Variants in RBFOX2 observed in about 807,000 individuals in gnomAD.
RBFOX2 encodes RNA binding fox-1 homolog 2.
A neutral mutation model predicts 49.1 loss-of-function variants in RBFOX2; 10 were observed. That is an observed-to-expected ratio of 0.20 (90% confidence interval 0.13 to 0.35). The LOEUF is 0.35. Ranked by LOEUF, RBFOX2 falls within the 10% of genes least tolerant of loss-of-function variation. The pLI, the probability that RBFOX2 is intolerant of heterozygous loss-of-function variation, is 1.00. For synonymous variants in RBFOX2, 183 were observed against 187.4 expected, an observed-to-expected ratio of 0.98 and a Z score of 0.19; for missense variants, 323 against 486.9, an observed-to-expected ratio of 0.66 and a Z score of 3.17.
intron 1 of RBFOX2, among the ~76,000 whole-genome samples, chr22:35,954,166 C>A (rs1034463116): frequency 3.1e-4 from 47 of 151,808 alleles, no homozygotes; most frequent in African/African-American, 1.1e-3. Context: ...TGATATATGT[C>A]TTTGTGGGGG....
intron 1 of RBFOX2, among the ~76,000 whole-genome samples, chr22:35,953,899 AT>A (rs565059531): frequency 2.0e-5 from 3 of 152,180 alleles, no homozygotes; most frequent in East Asian, 1.9e-4. Flanking sequence ...GCATATACAC[AT>A]TTTTTCCCAA....
intron 1 of RBFOX2, among the ~76,000 whole-genome samples, chr22:35,887,877 C>T (rs2046784265): frequency 6.6e-6 from 1 of 152,166 alleles, no homozygotes; most frequent in African/African-American, 2.4e-5. Flanking sequence ...TCTATTATCA[C>T]ACCATCAAGC....
chr22:35,861,911 T>C (rs555161328), intron 1 of RBFOX2, among the ~76,000 whole-genome samples: 1 of 152,316 alleles, frequency 6.6e-6, no homozygotes, highest in South Asian at 2.1e-4. Flanking sequence ...AAACAAATTG[T>C]CATATATCCA....
intron 1 of RBFOX2, among the ~76,000 whole-genome samples, chr22:35,880,304 G>T (rs1183759210): frequency 2.0e-5 from 3 of 152,166 alleles, no homozygotes; most frequent in Admixed American, 1.3e-4. Context: ...GTAACAGAAA[G>T]ATGTCATTAT....
intron 1 of RBFOX2, among the ~76,000 whole-genome samples, chr22:35,933,799 TCTC>T (rs939202296): frequency 1.3e-5 from 2 of 151,756 alleles, no homozygotes; most frequent in African/African-American, 4.8e-5. Context: ...TAAACAACTC[TCTC>T]CTATTTGCCC....
chr22:35,757,081 G>C (rs773894860), intron 9 of RBFOX2, among the ~76,000 whole-genome samples: 9 of 152,064 alleles, frequency 5.9e-5, no homozygotes, highest in Admixed American at 3.9e-4. Context: ...AAATACAATT[G>C]ATAACTGAAG....
chr22:35,797,673 C>A (rs1949021900), intron 2 of RBFOX2, among the ~76,000 whole-genome samples: 1 of 152,158 alleles, frequency 6.6e-6, no homozygotes, highest in Non-Finnish European at 1.5e-5. Context: ...TCTGTACTGA[C>A]CGTCAAAGCA....
chr22:35,902,581 C>A (rs2048710989), intron 1 of RBFOX2, among the ~76,000 whole-genome samples: 1 of 152,026 alleles, frequency 6.6e-6, no homozygotes, highest in Admixed American at 6.6e-5. Context: ...CTATTTCTTG[C>A]TTCTCCTCAA....
intron 1 of RBFOX2, among the ~76,000 whole-genome samples, chr22:36,015,608 C>T (rs567051115): frequency 6.6e-6 from 1 of 152,350 alleles, no homozygotes; most frequent in African/African-American, 2.4e-5. Context: ...CCTATCTTAT[C>T]CCCTAGAAAC....
chr22:35,934,660 C>A (rs1284712182), intron 1 of RBFOX2, among the ~76,000 whole-genome samples: 2 of 152,136 alleles, frequency 1.3e-5, no homozygotes, highest in Admixed American at 1.3e-4. Context: ...TAAGAGCCAT[C>A]CCATATAAAT....
chr22:35,858,803 G>A (rs111436773), intron 1 of RBFOX2, among the ~76,000 whole-genome samples: 245 of 144,374 alleles, frequency 1.7e-3, no homozygotes, highest in African/African-American at 6.2e-3. Flanking sequence ...TCCAGCCTGG[G>A]CAACAAGAGT....
At chr22:35,997,821 T>C (rs892130861) in intron 1 of RBFOX2, 2 of 152,224 alleles carry the variant, frequency 1.3e-5, no homozygotes, top group African/African-American at 2.4e-5. Context: ...GCCTAGGCTA[T>C]AGTGCCTCAT....
At chr22:35,813,489 C>G (rs888545208) in intron 1 of RBFOX2, among the ~76,000 whole-genome samples, 5 of 152,186 alleles carry the variant, frequency 3.3e-5, no homozygotes, top group African/African-American at 1.2e-4. Context: ...GTCCACAAGG[C>G]TAGACAGAAT....
At chr22:35,774,588 T>C (rs1396893433) in intron 4 of RBFOX2, among the ~76,000 whole-genome samples, 10 of 152,132 alleles carry the variant, frequency 6.6e-5, no homozygotes, top group Non-Finnish European at 1.5e-4. Flanking sequence ...TGCACAAATA[T>C]GATATATATT....
chr22:36,011,483 A>G (rs2058820898), intron 1 of RBFOX2, among the ~76,000 whole-genome samples: 1 of 152,194 alleles, frequency 6.6e-6, no homozygotes, highest in Non-Finnish European at 1.5e-5. Flanking sequence ...GCTAATAAAT[A>G]GAAAAAAATA....
At chr22:35,777,671 C>G (rs984174087) in intron 4 of RBFOX2, 8 of 210,548 alleles carry the variant, frequency 3.8e-5, no homozygotes, top group Non-Finnish European at 7.6e-5. Context: ...ATAGAATTCT[C>G]ATAGAATTTC....
At chr22:36,028,183 G>A in intron 1 of RBFOX2, 57 bp downstream of exon 1, 1 of 1,407,336 alleles carries the variant, frequency 7.1e-7, no homozygotes. Flanking sequence ...GGGGAGCCCG[G>A]TGTCGACCCT....
chr22:35,861,578 A>T (rs1000394893), intron 1 of RBFOX2, among the ~76,000 whole-genome samples: 37 of 151,124 alleles, frequency 2.4e-4, no homozygotes, highest in African/African-American at 8.9e-4. Flanking sequence ...TTCACTAGGA[A>T]ATTAGAACCT....
At chr22:35,970,494 A>AAAC (rs1556494264) in intron 1 of RBFOX2, among the ~76,000 whole-genome samples, 23 of 151,066 alleles carry the variant, frequency 1.5e-4, no homozygotes, top group African/African-American at 5.4e-4. Context: ...AAAAAAAAAA[A>AAAC]ACACACACAC....
Sources: gnomAD v4.1 joint callset for allele counts (sites outside exome capture counted in the v4.1 genomes callset) on GRCh38, gnomAD v4.1.1 for gene constraint, MANE v1.5 for transcripts, NCBI Gene and HGNC (gene_info 2026-07-23, HGNC 2026-07-21) for gene names.